The following PATJ variants were observed in gnomAD, a reference collection of about 807,000 sequenced individuals.
The protein encoded by PATJ is PATJ crumbs cell polarity complex component.
PATJ carries 190 observed loss-of-function variants against 224.9 expected under a neutral mutation model. The observed-to-expected ratio is 0.84, with a 90% CI of 0.75 to 0.95. PATJ has a LOEUF of 0.95. Among genes scored for constraint, PATJ ranks in the 40% least tolerant of loss-of-function variants. PATJ has a pLI of 0.00. For synonymous variants in PATJ, 769 were observed against 820.3 expected, an observed-to-expected ratio of 0.94 and a Z score of 1.07; for missense variants, 2,121 against 2,270.3, an observed-to-expected ratio of 0.93 and a Z score of 1.34.
At position 62,161,273 on chromosome 1, in the gene PATJ, G is replaced by T; in HGVS notation, c.*219G>T. 7.1e-6 allele frequency: 2 copies of T among 283,318 alleles called. No homozygotes were observed. The highest frequency in any genetic ancestry group is 1.1e-4 in the East Asian group (2 of 18,470). 17.6% of individuals were successfully genotyped at this position (283,318 alleles called of 1,614,324 possible). ...GTTCCTGTCACCTGTTGGCGAGGTTGATTTCTAAAACTTAAATGAGTCTAC... is the reference window on the plus strand; with the variant it reads ...GTTCCTGTCACCTGTTGGCGAGGTTTATTTCTAAAACTTAAATGAGTCTAC... On this transcript the variant is annotated 3_prime_UTR_variant, in exon 44 of 44. Transcript: ENST00000642238.
At chr1:61,750,112 T>C (rs1488802392) in intron 1 of PATJ, among the ~76,000 whole-genome samples, 3 of 152,238 alleles carry the variant, frequency 2.0e-5, no homozygotes, top group Non-Finnish European at 4.4e-5. Flanking sequence ...CACATTTGAA[T>C]TTTGTCTGTA....
intron 27 of PATJ, among the ~76,000 whole-genome samples, chr1:61,978,934 T>C (rs1249763372): frequency 2.6e-5 from 4 of 152,126 alleles, no homozygotes; most frequent in African/African-American, 9.7e-5. Context: ...CCTAATATCC[T>C]ATGATGATAG....
chr1:61,922,260 G>T (rs1013524513), intron 26 of PATJ, among the ~76,000 whole-genome samples: 3 of 152,020 alleles, frequency 2.0e-5, no homozygotes, highest in Admixed American at 1.3e-4. Flanking sequence ...GGCCAGGCTG[G>T]TCTTGAACTC....
intron 5 of PATJ, 44 bp from the exon 6 acceptor site, chr1:61,771,387 G>A: frequency 7.9e-7 from 1 of 1,272,740 alleles, no homozygotes; most frequent in Non-Finnish European, 1.1e-6. Flanking sequence ...TTAAAAATCA[G>A]GTTATTAGAT....
intron 19 of PATJ, among the ~76,000 whole-genome samples, chr1:61,862,448 C>T (rs1239763018): frequency 2.6e-5 from 4 of 152,198 alleles, no homozygotes; most frequent in Admixed American, 1.3e-4. Context: ...GTGCCCACCT[C>T]GGCCTCCCGA....
At position 62,086,228 on chromosome 1, in the gene PATJ, A is replaced by ATGTG. The variant is rs145837024; in HGVS notation, c.4377+1592_4377+1595dup. The stretch of plus-strand genomic sequence containing the variant: ...TACTCAAGATGTGATTAATTAATGC[A>ATGTG]TGTGTGTGTGTGTGTATGTGTGTGT... On this transcript the variant is annotated intron_variant, in intron 33 of 43. Transcript: ENST00000642238. This position sits in a 1 kb window ranked among gnomAD's most constrained non-coding sequence, Gnocchi z 4.0. Among the ~76,000 whole-genome samples the ATGTG allele has an allele frequency of 2.0e-5, 3 of 150,336 alleles. No individual in the cohort carries two copies. The East Asian group carries it at 5.8e-4, about 29-fold the overall frequency.
intron 27 of PATJ, among the ~76,000 whole-genome samples, chr1:61,929,304 AG>A (rs1225000259): frequency 2.0e-5 from 3 of 152,194 alleles, no homozygotes; most frequent in Non-Finnish European, 4.4e-5. Flanking sequence ...TTCTAATCCT[AG>A]TTCTATTACT....
intron 26 of PATJ, among the ~76,000 whole-genome samples, chr1:61,920,702 C>CTTTTTTTTTTTTTTT (rs71582652): frequency 1.1e-5 from 1 of 89,500 alleles, no homozygotes. Flanking sequence ...GTATGGAATT[C>CTTTTTTTTTTTTTTT]TTTTTTTTTT....
chr1:61,744,843 C>G (rs904260366), intron 1 of PATJ, among the ~76,000 whole-genome samples: 2 of 152,186 alleles, frequency 1.3e-5, no homozygotes, highest in Non-Finnish European at 2.9e-5. Flanking sequence ...TCTGACTAAC[C>G]ACCTATAAAT....
rs377489788 is a variant in PATJ at position 62,144,777 on chromosome 1, A to AAAAAT, written c.5272-3506_5272-3505insAAATA. ...TAGAATGTTATTTGCAAAAAAAAAA[A>AAAAAT]ATATATATATATATATATAATTAGC... On this transcript the variant is annotated intron_variant, in intron 41 of 43. Transcript: ENST00000642238. Among the ~76,000 whole-genome samples the AAAAAT allele has an allele frequency of 3.1e-3, 371 of 119,090 alleles. 6 individuals carry two copies. The highest frequency in any genetic ancestry group is 3.9e-3 in the Non-Finnish European group (238 of 60,320). 78.1% of individuals were successfully genotyped at this position (119,090 alleles called of 152,430 possible).
intron 39 of PATJ, 68 bp from the exon 40 acceptor site, chr1:62,127,904 T>C: frequency 6.5e-7 from 1 of 1,536,678 alleles, no homozygotes; most frequent in East Asian, 2.3e-5. Flanking sequence ...AACAGCTATC[T>C]ATCTAGGGAT....
At chr1:61,833,525 A>C in intron 16 of PATJ, 129 bp from the exon 17 acceptor site, 1 of 874,720 alleles carries the variant, frequency 1.1e-6, no homozygotes, top group South Asian at 2.1e-5. Context: ...ACAAAGATTA[A>C]AAAGAAAAAC....
At chr1:61,991,393 G>A (rs1308251060) in intron 28 of PATJ, 2 of 560,796 alleles carry the variant, frequency 3.6e-6, no homozygotes, top group East Asian at 2.9e-4. Context: ...AGGACATTTA[G>A]GGGAGCTAAA....
At chr1:62,069,286 T>C (rs1657006092) in intron 31 of PATJ, among the ~76,000 whole-genome samples, 1 of 152,204 alleles carries the variant, frequency 6.6e-6, no homozygotes, top group African/African-American at 2.4e-5. Flanking sequence ...AAGTTCTGGC[T>C]TGGCAAATAA....
At chr1:61,884,146 C>T in intron 21 of PATJ, 91 bp from the exon 22 acceptor site, 1 of 850,850 alleles carries the variant, frequency 1.2e-6, no homozygotes, top group Non-Finnish European at 1.8e-6. Flanking sequence ...GAAGAGTCCC[C>T]TCCCATAGTA....
intron 11 of PATJ, among the ~76,000 whole-genome samples, chr1:61,798,068 C>A (rs1329639866): frequency 1.3e-5 from 2 of 152,148 alleles, no homozygotes; most frequent in Non-Finnish European, 2.9e-5. Flanking sequence ...GGTCTTCCAA[C>A]ATGCTGTAAT....
chr1:61,919,667 G>C (rs1673992261), intron 26 of PATJ, among the ~76,000 whole-genome samples: 1 of 151,776 alleles, frequency 6.6e-6, no homozygotes, highest in Non-Finnish European at 1.5e-5. Context: ...CTGTTTTTTG[G>C]TACTAAGGGT....
intron 12 of PATJ, 48 bp from the exon 13 acceptor site, chr1:61,805,400 A>G (rs747814956): frequency 1.5e-5 from 17 of 1,167,458 alleles, no homozygotes; most frequent in Non-Finnish European, 2.2e-5. Flanking sequence ...TTTGGCTCAC[A>G]GTAGTTTCAA....
chr1:61,999,808 CACATAT>C (rs1209118595), intron 28 of PATJ, among the ~76,000 whole-genome samples: 10 of 152,188 alleles, frequency 6.6e-5, no homozygotes, highest in Non-Finnish European at 1.5e-4. Flanking sequence ...AAGTTTTTCA[CACATAT>C]ACATATACAG....
Sources: allele counts gnomAD v4.1 joint callset (sites outside exome capture counted in the v4.1 genomes callset), GRCh38; gene constraint gnomAD v4.1.1; non-coding constraint Gnocchi (gnomAD v3.1); transcripts MANE v1.5; gene names NCBI Gene and HGNC (gene_info 2026-07-23, HGNC 2026-07-21).